The following BRINP3 variants were observed in gnomAD, a reference collection of about 807,000 sequenced individuals.
BRINP3 encodes BMP/retinoic acid inducible neural specific 3.
Under a neutral mutation model 71.0 loss-of-function variants are expected in BRINP3, and 19 were observed. The observed-to-expected ratio is 0.27, with a 90% confidence interval of 0.19 to 0.39. The LOEUF (loss-of-function observed/expected upper bound fraction) is 0.39, where lower values mean the gene tolerates loss of function less well. Ranked by LOEUF, BRINP3 falls within the 10% of genes least tolerant of loss-of-function variation. BRINP3 has a pLI of 1.00. For synonymous variants in BRINP3, 380 were observed against 337.7 expected (o/e 1.13, Z -1.37); for missense variants, 959 against 940.8 (o/e 1.02, Z -0.25).
At chr1:190,246,520 C>T (rs931491888) in intron 4 of BRINP3, among the ~76,000 whole-genome samples, 2 of 151,810 alleles carry the variant, frequency 1.3e-5, no homozygotes, top group African/African-American at 4.8e-5. Flanking sequence ...AAAAAAAAAT[C>T]AGACAGGAGA....
intron 6 of BRINP3, among the ~76,000 whole-genome samples, chr1:190,192,622 T>C (rs904348927): frequency 6.6e-6 from 1 of 151,960 alleles, no homozygotes; most frequent in Admixed American, 6.6e-5. Context: ...AACTATTACC[T>C]ATGCAAGAAG....
intron 2 of BRINP3, among the ~76,000 whole-genome samples, chr1:190,408,441 A>T (rs575177388): frequency 6.6e-6 from 1 of 152,146 alleles, no homozygotes; most frequent in Non-Finnish European, 1.5e-5. Context: ...TATGAATAAT[A>T]TACAAAACAT....
At chr1:190,165,836 G>T (rs1051991281) in intron 6 of BRINP3, among the ~76,000 whole-genome samples, 1 of 152,130 alleles carries the variant, frequency 6.6e-6, no homozygotes, top group African/African-American at 2.4e-5. Flanking sequence ...AAGAAAAGTT[G>T]AGACAGAGAA....
intron 5 of BRINP3, among the ~76,000 whole-genome samples, chr1:190,227,281 A>G (rs1657479526): frequency 6.6e-6 from 1 of 151,900 alleles, no homozygotes; most frequent in Admixed American, 6.6e-5. Flanking sequence ...GGTTGATTTA[A>G]TAAAAATCAT....
chr1:190,252,443 A>C (rs1660232965), intron 4 of BRINP3, among the ~76,000 whole-genome samples: 1 of 152,134 alleles, frequency 6.6e-6, no homozygotes. Context: ...TTACTCCACT[A>C]CACTGAAGCA....
At chr1:190,294,858 G>C (rs759349643) in intron 2 of BRINP3, among the ~76,000 whole-genome samples, 10 of 151,976 alleles carry the variant, frequency 6.6e-5, no homozygotes, top group Middle Eastern at 3.4e-3. Flanking sequence ...TAGGTTTGTT[G>C]TAAGTCTTGC....
chr1:190,321,935 C>A (rs1247700878), intron 2 of BRINP3, among the ~76,000 whole-genome samples: 2 of 151,738 alleles, frequency 1.3e-5, no homozygotes, highest in Non-Finnish European at 2.9e-5. Flanking sequence ...TATAAGCCTA[C>A]AATTATTAAG....
At position 190,294,262 on chromosome 1, in the gene BRINP3, CTT is replaced by C. The variant is rs3076717; in HGVS notation, c.237-12514_237-12513del. ...AGCTATCAGAAGTACCTCAAAATAC[CTT>C]TTTTTTTTTTTTGAGTCAGGGTCTC... On this transcript the variant is annotated intron_variant, in intron 2 of 7. Transcript: ENST00000367462. 7.9e-3 allele frequency among the ~76,000 whole-genome samples: 1,119 copies of C among 141,030 alleles called. 7 individuals are homozygous for C. Among genetic ancestry groups the C allele is most frequent in the African/African-American group, 0.021 (795 of 38,664 alleles). 92.5% of individuals were successfully genotyped at this position (141,030 alleles called of 152,430 possible). A position where few individuals can be genotyped will look rare whatever the true frequency, so the allele number is the denominator to read the frequency against.
chr1:190,370,006 A>G (rs1356006270), intron 2 of BRINP3, among the ~76,000 whole-genome samples: 2 of 152,172 alleles, frequency 1.3e-5, no homozygotes, highest in African/African-American at 4.8e-5. Context: ...ATTTATTTCT[A>G]GTATCATACT....
At chr1:190,128,334 T>C (rs1310878274) in intron 7 of BRINP3, among the ~76,000 whole-genome samples, 1 of 151,838 alleles carries the variant, frequency 6.6e-6, no homozygotes, top group Non-Finnish European at 1.5e-5. Context: ...TGTAATTACA[T>C]AACTTCATCA....
chr1:190,453,201 GTAT>G (rs1675740744), intron 2 of BRINP3, among the ~76,000 whole-genome samples: 3 of 37,856 alleles, frequency 7.9e-5, no homozygotes, highest in Non-Finnish European at 1.2e-4. Flanking sequence ...AAAAACTTTA[GTAT>G]TTTTTTTTTT....
At chr1:190,197,164 T>C (rs1311826970) in intron 6 of BRINP3, among the ~76,000 whole-genome samples, 1 of 151,504 alleles carries the variant, frequency 6.6e-6, no homozygotes, top group African/African-American at 2.4e-5. Flanking sequence ...GTAGGAGAAC[T>C]CCCCTTTATA....
At chr1:190,450,468 A>C (rs2102607697) in intron 2 of BRINP3, among the ~76,000 whole-genome samples, 1 of 152,282 alleles carries the variant, frequency 6.6e-6, no homozygotes, top group African/African-American at 2.4e-5. Flanking sequence ...GTATTTTAAT[A>C]GGAAGTTTGA....
chr1:190,398,946 C>G (rs1671754592), intron 2 of BRINP3, among the ~76,000 whole-genome samples: 1 of 151,994 alleles, frequency 6.6e-6, no homozygotes, highest in South Asian at 2.1e-4. Flanking sequence ...AGATACCCGT[C>G]TTCCATTATG....
intron 5 of BRINP3, among the ~76,000 whole-genome samples, chr1:190,232,879 G>T (rs556993570): frequency 9.2e-5 from 14 of 152,084 alleles, no homozygotes; most frequent in African/African-American, 3.4e-4. Context: ...ACATTAAAAA[G>T]GAGTAAGCAG....
intron 6 of BRINP3, among the ~76,000 whole-genome samples, chr1:190,176,646 T>C (rs114109667): frequency 6.6e-6 from 1 of 152,192 alleles, no homozygotes; most frequent in Non-Finnish European, 1.5e-5. Context: ...TTTGCAGATA[T>C]AGTTCCTGGA....
chr1:190,313,629 C>G (rs967853470), intron 2 of BRINP3, among the ~76,000 whole-genome samples: 8 of 151,986 alleles, frequency 5.3e-5, no homozygotes. Context: ...TTACTGAGAT[C>G]TCAATAAGTT....
chr1:190,361,800 T>G (rs1409005968), intron 2 of BRINP3, among the ~76,000 whole-genome samples: 1 of 152,186 alleles, frequency 6.6e-6, no homozygotes, highest in Non-Finnish European at 1.5e-5. Flanking sequence ...ACATGCAAAC[T>G]TCATCATCCA....
intron 6 of BRINP3, among the ~76,000 whole-genome samples, chr1:190,191,789 C>A (rs111779464): frequency 6.6e-6 from 1 of 152,030 alleles, no homozygotes; most frequent in African/African-American, 2.4e-5. Flanking sequence ...TGTCCTAAGG[C>A]ATAATTTGCA....
Sources: allele counts gnomAD v4.1 joint callset (sites outside exome capture counted in the v4.1 genomes callset), GRCh38; gene constraint gnomAD v4.1.1; transcripts MANE v1.5; gene names NCBI Gene and HGNC (gene_info 2026-07-23, HGNC 2026-07-21).